Variants in WDR7 observed in about 807,000 individuals in gnomAD.
The protein encoded by WDR7 is WD repeat-containing protein 7.
A neutral mutation model predicts 169.4 loss-of-function variants in WDR7; 46 were observed. The observed-to-expected ratio is 0.27, with a 90% CI of 0.21 to 0.35. The LOEUF (loss-of-function observed/expected upper bound fraction) is 0.35. WDR7 is among the 10% of genes least tolerant of loss of function. The probability of loss-of-function intolerance (pLI) is 1.00; values close to 1 mark genes in which losing one functional copy is unlikely to be tolerated. For missense variants in WDR7, 1,534 were observed against 1,859.3 expected, an observed-to-expected ratio of 0.83 and a Z score of 3.22; for synonymous variants, 612 against 666.8, an observed-to-expected ratio of 0.92 and a Z score of 1.27.
chr18:56,868,634 G>A (rs2045912960), intron 20 of WDR7, among the ~76,000 whole-genome samples: 1 of 152,062 alleles, frequency 6.6e-6, no homozygotes, highest in South Asian at 2.1e-4. Context: ...CTTTTTCTAA[G>A]TAGTAACTGT....
At chr18:56,911,581 G>A (rs1023398245) in intron 21 of WDR7, among the ~76,000 whole-genome samples, 1 of 152,156 alleles carries the variant, frequency 6.6e-6, no homozygotes, top group Non-Finnish European at 1.5e-5. Context: ...TGAGTATTTA[G>A]TGTCCACCAA....
At chr18:56,928,963 G>A (rs746190502) in intron 22 of WDR7, among the ~76,000 whole-genome samples, 4 of 152,078 alleles carry the variant, frequency 2.6e-5, no homozygotes, top group Non-Finnish European at 4.4e-5. Flanking sequence ...AATTTTCAGT[G>A]TACTTTAGAT....
At chr18:56,759,032 T>C (rs574709173) in intron 16 of WDR7, 79 bp downstream of exon 16, 6 of 1,168,504 alleles carry the variant, frequency 5.1e-6, no homozygotes, top group African/African-American at 1.6e-5. Flanking sequence ...TGTATAATCA[T>C]AATATTTGTT....
At position 56,953,396 on chromosome 18, in the gene WDR7, T is replaced by C. The variant is rs1188014948; in HGVS notation, c.4065-9034T>C. 6.6e-5 allele frequency among the ~76,000 whole-genome samples: 10 copies of C among 152,234 alleles called. No individual in the cohort carries two copies. The South Asian group carries it at 1.4e-3, about 22-fold the overall frequency. On this transcript the variant is annotated intron_variant, in intron 25 of 27. Coordinates refer to ENST00000254442, the MANE Select transcript of WDR7 (RefSeq NM_015285.3). ...TTAACATATAAATGGCTAATCTTAGTACCCAATTCCAAAATTAGAAAAAAA... is the reference window on the plus strand; with the variant it reads ...TTAACATATAAATGGCTAATCTTAGCACCCAATTCCAAAATTAGAAAAAAA...
chr18:56,721,034 AATTT>A (rs926541611), intron 13 of WDR7, among the ~76,000 whole-genome samples: 108 of 152,056 alleles, frequency 7.1e-4, no homozygotes, highest in African/African-American at 2.3e-3. Context: ...TTATTTATTA[AATTT>A]ATTTATTTAT....
At chr18:56,985,069 G>A (rs757312950) in intron 26 of WDR7, among the ~76,000 whole-genome samples, 4 of 152,102 alleles carry the variant, frequency 2.6e-5, no homozygotes, top group Admixed American at 6.6e-5. Context: ...TTGCTACTCA[G>A]CTCTGGGAGC....
intron 1 of WDR7, among the ~76,000 whole-genome samples, chr18:56,655,618 C>CAAAAAA (rs56899358): frequency 2.6e-4 from 35 of 133,938 alleles, no homozygotes; most frequent in South Asian, 4.5e-4. Context: ...GACCCTGTCT[C>CAAAAAA]AAAAAAAAAA....
At chr18:56,694,271 G>C (rs893273413) in intron 9 of WDR7, among the ~76,000 whole-genome samples, 1 of 152,148 alleles carries the variant, frequency 6.6e-6, no homozygotes, top group African/African-American at 2.4e-5. Context: ...ATAAAGCTTA[G>C]CTATGTGTTA....
chr18:56,982,181 C>T (rs1183771967), intron 26 of WDR7, among the ~76,000 whole-genome samples: 3 of 152,032 alleles, frequency 2.0e-5, no homozygotes, highest in African/African-American at 4.8e-5. Flanking sequence ...GCCAAAAGCC[C>T]GTATCTGACT....
intron 27 of WDR7, 47 bp downstream of exon 27, chr18:57,020,896 GC>G: frequency 6.4e-7 from 1 of 1,563,554 alleles, no homozygotes; most frequent in Non-Finnish European, 8.8e-7. Flanking sequence ...TGCGTGATAT[GC>G]CTTTGGTAGT....
intron 21 of WDR7, among the ~76,000 whole-genome samples, chr18:56,921,902 A>G (rs1454547017): frequency 6.6e-6 from 1 of 152,160 alleles, no homozygotes; most frequent in Non-Finnish European, 1.5e-5. Context: ...TGTTGCCTGT[A>G]TGCTCCCATC....
chr18:56,830,766 G>A (rs984679855), intron 20 of WDR7, among the ~76,000 whole-genome samples: 1 of 152,174 alleles, frequency 6.6e-6, no homozygotes, highest in Admixed American at 6.5e-5. Context: ...GAGTGCAGTG[G>A]CACAATCTCG....
chr18:56,756,295 T>A (rs1422334816), intron 14 of WDR7, among the ~76,000 whole-genome samples: 2 of 152,220 alleles, frequency 1.3e-5, no homozygotes, highest in African/African-American at 4.8e-5. Flanking sequence ...TAATCATTAC[T>A]GTGAGTAAAG....
At chr18:56,891,689 G>T (rs918279753) in intron 21 of WDR7, among the ~76,000 whole-genome samples, 1 of 152,028 alleles carries the variant, frequency 6.6e-6, no homozygotes, top group Non-Finnish European at 1.5e-5. Context: ...GAATCCAGAT[G>T]CATTTTTCCC....
rs1488738242 is a variant in WDR7 at position 57,027,675 on chromosome 18, T to C, written c.*468T>C. ...GTCCTCACGATTGAAATTATTGCCC[T>C]TTGAATTACCTAAAATATTGTTTAC... is the stretch of plus-strand genomic sequence containing the variant. On this transcript the variant is annotated 3_prime_UTR_variant, in exon 28 of 28. Transcript: ENST00000254442. 1 of 157,408 alleles carries C rather than the reference T, an allele frequency of 6.4e-6. No homozygotes were observed. Among genetic ancestry groups the C allele is most frequent in the East Asian group, 1.9e-4 (1 of 5,294 alleles). 9.8% of individuals were successfully genotyped at this position (157,408 alleles called of 1,614,324 possible).
In WDR7 at chr18:56,788,046, A is replaced by G. The variant is rs1488450071; in HGVS notation, c.3190+6390A>G. On this transcript the variant is annotated intron_variant, in intron 19 of 27. Coordinates refer to ENST00000254442, the MANE Select transcript of WDR7 (RefSeq NM_015285.3). ...TTTTATATATGCCTCAGTGTTTGCA[A>G]TTCTGTGAGATAGTTGTTTTTAAGG... Among the ~76,000 whole-genome samples, 3 of 152,292 alleles carry G rather than the reference A, an allele frequency of 2.0e-5. No individual in the cohort carries two copies. In the East Asian group the frequency reaches 5.8e-4, roughly 29 times the overall value.
chr18:56,808,631 A>G (rs2145188376), intron 19 of WDR7, among the ~76,000 whole-genome samples: 1 of 152,204 alleles, frequency 6.6e-6, no homozygotes, highest in South Asian at 2.1e-4. Flanking sequence ...TTGTTCTCGC[A>G]TTTCATGTTA....
At chr18:56,826,478 A>T (rs905700098) in intron 20 of WDR7, among the ~76,000 whole-genome samples, 5 of 152,282 alleles carry the variant, frequency 3.3e-5, no homozygotes, top group African/African-American at 4.8e-5. Context: ...GACTTTCCCC[A>T]TGATTTCTTG....
intron 21 of WDR7, among the ~76,000 whole-genome samples, chr18:56,918,000 T>A (rs1485464504): frequency 6.6e-5 from 10 of 152,230 alleles, no homozygotes; most frequent in Non-Finnish European, 1.5e-4. Flanking sequence ...TAAGTTGTGA[T>A]GTATCCAATG....
Sources: allele counts gnomAD v4.1 joint callset (sites outside exome capture counted in the v4.1 genomes callset), GRCh38; gene constraint gnomAD v4.1.1; transcripts MANE v1.5; gene names NCBI Gene and HGNC (gene_info 2026-07-23, HGNC 2026-07-21).